Variants in CORO2B observed in about 807,000 individuals in gnomAD.
The protein encoded by CORO2B is coronin 2B.
CORO2B carries 26 observed loss-of-function variants against 58.8 expected under a neutral mutation model. The observed-to-expected ratio is 0.44, with a 90% CI of 0.32 to 0.61. CORO2B has a LOEUF of 0.61. Among genes scored for constraint, CORO2B ranks in the 20% least tolerant of loss-of-function variants. The pLI is 0.04. For missense variants in CORO2B, 460 were observed against 645.1 expected (o/e 0.71, Z 3.11); for synonymous variants, 242 against 253.8 (o/e 0.95, Z 0.44).
At chr15:68,533,737 A>C in the CORO2B span, among the ~76,000 whole-genome samples, 1 of 152,270 alleles carries the variant, frequency 6.6e-6, no homozygotes, top group Non-Finnish European at 1.5e-5. Flanking sequence ...TATTTTTGAC[A>C]TGACAGTTCT....
At chr15:68,699,114 C>T (rs919517855) in intron 3 of CORO2B, among the ~76,000 whole-genome samples, 1 of 152,094 alleles carries the variant, frequency 6.6e-6, no homozygotes, top group African/African-American at 2.4e-5. Flanking sequence ...AATGCATATA[C>T]AGTGCGCTTA....
chr15:68,679,300 G>A (rs1303864976), intron 2 of CORO2B, among the ~76,000 whole-genome samples: 2 of 152,176 alleles, frequency 1.3e-5, no homozygotes, highest in Non-Finnish European at 2.9e-5. Flanking sequence ...GAGCTGGAAG[G>A]GCCCTGATGG....
intron 1 of CORO2B, among the ~76,000 whole-genome samples, chr15:68,635,159 TTTCCACCTTCACTCCTC>T (rs1351289500): frequency 2.0e-5 from 3 of 152,132 alleles, no homozygotes; most frequent in African/African-American, 7.2e-5. Context: ...TTTCAAAGGT[TTTCCACCTTCACTCCTC>T]TCCCCACTGG....
chr15:68,628,309 C>G (rs1225454536), intron 1 of CORO2B, among the ~76,000 whole-genome samples: 1 of 152,196 alleles, frequency 6.6e-6, no homozygotes, highest in African/African-American at 2.4e-5. Flanking sequence ...TTCTCTGTCC[C>G]TTCTTGCCTG....
Position 68,725,988 on chromosome 15 carries a change from C to G in CORO2B, c.*14C>G, listed in dbSNP as rs371215024. The stretch of plus-strand genomic sequence containing the variant: ...AAGAACTGTTAGCTCCCCAGCTGGG[C>G]TGTTTTCTAAGCCGATCTCTCCGTC... On this transcript the variant is annotated 3_prime_UTR_variant, in exon 12 of 12. Coordinates refer to ENST00000261861, the MANE Select transcript of CORO2B (RefSeq NM_006091.5). The G allele has an allele frequency of 5.0e-6, 8 of 1,612,312 alleles. No homozygotes were observed. The African/African-American group carries it at 9.3e-5, about 19-fold the overall frequency.
intron 3 of CORO2B, among the ~76,000 whole-genome samples, chr15:68,706,389 G>A (rs1046651656): frequency 4.0e-5 from 6 of 148,840 alleles, no homozygotes; most frequent in South Asian, 2.3e-4. Context: ...CAGGCTCTCC[G>A]TCTGCATGCA....
At chr15:68,651,672 T>A (rs1901646723) in intron 2 of CORO2B, among the ~76,000 whole-genome samples, 3 of 152,200 alleles carry the variant, frequency 2.0e-5, no homozygotes, top group African/African-American at 7.2e-5. Flanking sequence ...TCTCAGTTCT[T>A]CTCTAAGTTT....
At chr15:68,577,244 A>T (rs2140548651), upstream of CORO2B, among the ~76,000 whole-genome samples, 1 of 152,312 alleles carries the variant, frequency 6.6e-6, no homozygotes, top group South Asian at 2.1e-4. Flanking sequence ...TGGACCCTGC[A>T]GTTCACGGAT....
At chr15:68,579,839 C>T (rs1899383477) in intron 1 of CORO2B, among the ~76,000 whole-genome samples, 1 of 152,168 alleles carries the variant, frequency 6.6e-6, no homozygotes, top group African/African-American at 2.4e-5. Flanking sequence ...AGGTGGTTGG[C>T]TTGAAGATGT....
At chr15:68,616,452 GC>G (rs1358768030) in intron 1 of CORO2B, 1 of 665,404 alleles carries the variant, frequency 1.5e-6, no homozygotes, top group African/African-American at 2.0e-5. Flanking sequence ...AGGTCACCCA[GC>G]CCCCACCAAG....
At chr15:68,593,035 A>G (rs728400) in intron 1 of CORO2B, among the ~76,000 whole-genome samples, 127,091 of 152,210 alleles carry the variant, frequency 0.83, 53,302 homozygotes, top group Middle Eastern at 0.92. Flanking sequence ...GGGTCATCCC[A>G]TGGCAGAGGC....
At chr15:68,558,464 A>G in the CORO2B span, among the ~76,000 whole-genome samples, 1 of 152,092 alleles carries the variant, frequency 6.6e-6, no homozygotes, top group African/African-American at 2.4e-5. Flanking sequence ...GTGACCTCCC[A>G]TGATTAAGAA....
the CORO2B span, among the ~76,000 whole-genome samples, chr15:68,555,281 C>T: frequency 6.6e-6 from 1 of 152,174 alleles, no homozygotes; most frequent in Non-Finnish European, 1.5e-5. Flanking sequence ...ACACACAAAC[C>T]CTCACTCCCT....
chr15:68,726,228 C>T lies in CORO2B; in HGVS notation c.*254C>T. 2.1e-6 allele frequency: 1 copy of T among 466,550 alleles called. No individual in the cohort carries two copies. Among genetic ancestry groups the T allele is most frequent in the East Asian group, 4.7e-5 (1 of 21,254 alleles). 28.9% of individuals were successfully genotyped at this position (466,550 alleles called of 1,614,324 possible). On this transcript the variant is annotated 3_prime_UTR_variant, in exon 12 of 12. Coordinates refer to ENST00000261861, the MANE Select transcript of CORO2B (RefSeq NM_006091.5). ...CCACCCCAGGAGCCAGGCTTCCCCT[C>T]AGCTGGGTGAAGACTACAGACTCCC...
chr15:68,581,974 G>A (rs982154288), intron 1 of CORO2B, among the ~76,000 whole-genome samples: 22 of 152,160 alleles, frequency 1.4e-4, no homozygotes, highest in African/African-American at 5.3e-4. Flanking sequence ...GGTTAGGTAT[G>A]GACTGCAGGA....
At chr15:68,675,213 A>T (rs149914196) in intron 2 of CORO2B, among the ~76,000 whole-genome samples, 1 of 152,196 alleles carries the variant, frequency 6.6e-6, no homozygotes, top group Non-Finnish European at 1.5e-5. Context: ...GAATGTTTGT[A>T]CCCCGCTTCA....
the CORO2B span, among the ~76,000 whole-genome samples, chr15:68,539,747 C>T: frequency 6.6e-6 from 1 of 152,092 alleles, no homozygotes; most frequent in African/African-American, 2.4e-5. Flanking sequence ...TTTTAAATAA[C>T]AGCAATAAAC....
intron 1 of CORO2B, among the ~76,000 whole-genome samples, chr15:68,599,997 T>C (rs1480487980): frequency 6.6e-6 from 1 of 151,978 alleles, no homozygotes; most frequent in African/African-American, 2.4e-5. Flanking sequence ...CCCTGCTGCT[T>C]GGGGTAGGCC....
chr15:68,535,425 A>G, the CORO2B span, among the ~76,000 whole-genome samples: 4 of 152,368 alleles, frequency 2.6e-5, no homozygotes, highest in Admixed American at 2.0e-4. Flanking sequence ...AACTAATTAC[A>G]AAGATAAGTC....
Sources: gnomAD v4.1 joint callset for allele counts (sites outside exome capture counted in the v4.1 genomes callset) on GRCh38, gnomAD v4.1.1 for gene constraint, MANE v1.5 for transcripts, NCBI Gene and HGNC (gene_info 2026-07-23, HGNC 2026-07-21) for gene names.